The following NPIPB15 variants were observed in gnomAD, a reference collection of about 807,000 sequenced individuals.
NPIPB15 encodes nuclear pore complex-interacting protein family member B15.
In NPIPB15, 5 loss-of-function variants were observed where a neutral mutation model predicts 35.9. The observed-to-expected ratio is 0.14, with a 90% CI of 0.07 to 0.29. The LOEUF is 0.29. NPIPB15 is among the 10% of genes least tolerant of loss of function. NPIPB15 has a pLI of 1.00. For missense variants in NPIPB15, 100 were observed against 506.1 expected, an observed-to-expected ratio of 0.20 and a Z score of 7.70; for synonymous variants, 43 against 182.0, an observed-to-expected ratio of 0.24 and a Z score of 6.15.
rs1294440046 is a variant in NPIPB15 at position 74,388,875 on chromosome 16, C to T, written c.546-950C>T. Reference sequence around the variant, plus strand: ...CGCCCATTGGAGTGTTGTTTATAACCTCTGTACAATGTTTAGACCCAGTAA... The same window carrying T: ...CGCCCATTGGAGTGTTGTTTATAACTTCTGTACAATGTTTAGACCCAGTAA... On this transcript the variant is annotated intron_variant, in intron 5 of 7. Transcript: ENST00000692376. The T allele has an allele frequency of 1.7e-5, 16 of 957,728 alleles. 2 individuals are homozygous for T. The South Asian group carries it at 5.3e-4, about 32-fold the overall frequency. The allele number at this position is 957,728 out of a possible 1,614,324, so 59.3% of individuals were successfully genotyped here.
chr16:74,388,895 C>G (rs2012410186), intron 5 of NPIPB15: 1 of 947,654 alleles, frequency 1.1e-6, no homozygotes, highest in African/African-American at 1.8e-5. Context: ...TGTTTAGACC[C>G]AGTAAATGCA....
intron 5 of NPIPB15, among the ~76,000 whole-genome samples, chr16:74,386,184 C>T (rs1196084901): frequency 8.0e-6 from 1 of 124,652 alleles, no homozygotes; most frequent in African/African-American, 3.0e-5. Context: ...GGGGTTTCAC[C>T]ATGTTGTCCA....
rs2011666256 is a variant in NPIPB15 at position 74,376,374 on chromosome 16, A to G, written c.-995A>G. On this transcript the variant is annotated 5_prime_UTR_variant, in exon 1 of 8. Coordinates refer to ENST00000692376, the MANE Select transcript of NPIPB15 (RefSeq NM_001306094.2). The stretch of plus-strand genomic sequence containing the variant: ...AGGCCTGTGGGAAGTTCAGCTGAGG[A>G]CAGGGCCAGGAAAGGTGATGGACAG... 2.0e-5 allele frequency among the ~76,000 whole-genome samples: 3 copies of G among 151,528 alleles called. No individual in the cohort carries two copies. Among genetic ancestry groups the G allele is most frequent in the Non-Finnish European group, 4.4e-5 (3 of 67,960 alleles).
chr16:74,390,856 G>A (rs369933895), intron 7 of NPIPB15: 4 of 669,856 alleles, frequency 6.0e-6, no homozygotes, highest in African/African-American at 4.3e-5. Flanking sequence ...TAGATTTGGA[G>A]CAGGGTGGTC....
intron 2 of NPIPB15, among the ~76,000 whole-genome samples, chr16:74,380,411 CAAAA>C (rs1249518690): frequency 6.7e-6 from 1 of 148,452 alleles, no homozygotes; most frequent in African/African-American, 2.5e-5. Flanking sequence ...TGTCTCCAAA[CAAAA>C]AGAAAAGATA....
chr16:74,381,131 G>A (rs1432552309), intron 2 of NPIPB15, among the ~76,000 whole-genome samples: 2 of 133,626 alleles, frequency 1.5e-5, no homozygotes, highest in African/African-American at 5.8e-5. Context: ...CGACTGAGTG[G>A]AGCGGAACTC....
At chr16:74,387,482 T>TC (rs1254292094) in intron 5 of NPIPB15, among the ~76,000 whole-genome samples, 1 of 149,014 alleles carries the variant, frequency 6.7e-6, no homozygotes, top group Non-Finnish European at 1.5e-5. Context: ...CTGTTTGGTG[T>TC]CCCCCATTGT....
chr16:74,380,801 G>T (rs1466323940), intron 2 of NPIPB15, among the ~76,000 whole-genome samples: 1 of 150,160 alleles, frequency 6.7e-6, no homozygotes, highest in East Asian at 2.0e-4. Flanking sequence ...TCCAGCCTGG[G>T]TGACAGAGTG....
chr16:74,381,150 A>G (rs998417645), intron 2 of NPIPB15, among the ~76,000 whole-genome samples: 1 of 144,144 alleles, frequency 6.9e-6, no homozygotes, highest in Non-Finnish European at 1.5e-5. Context: ...TCTGTCTCCA[A>G]AAAAAAAAAA....
At chr16:74,377,767 TCCCTTCCCTTACTTCCC>T in intron 1 of NPIPB15, 168 bp from the exon 2 acceptor site, 1 of 156,614 alleles carries the variant, frequency 6.4e-6, no homozygotes, top group Non-Finnish European at 1.2e-5. Flanking sequence ...TCTCCTCCTT[TCCCTTCCCTTACTTCCC>T]CCCTTCCCCT....
intron 1 of NPIPB15, among the ~76,000 whole-genome samples, chr16:74,377,605 A>G (rs201444001): frequency 2.6e-5 from 4 of 151,146 alleles, no homozygotes; most frequent in Admixed American, 6.6e-5. Context: ...CCCTTGCCCC[A>G]CGTGTCCTGT....
intron 5 of NPIPB15, among the ~76,000 whole-genome samples, chr16:74,385,974 C>T (rs377642422): frequency 1.0e-4 from 13 of 125,966 alleles, no homozygotes; most frequent in African/African-American, 3.1e-4. Flanking sequence ...CTAGTACTGG[C>T]ATTGGTTTTC....
Position 74,391,642 on chromosome 16 carries a change from G to T in NPIPB15, c.894G>T (p.Leu298=). Residue 298 remains leucine, a synonymous_variant, in exon 8 of 8, where the codon CTG becomes CTT. Transcript: ENST00000692376. ...TTCCACCCTCAGTGGATGATAATCT[G>T]AAGGAGTATCTCCTGGTCCCTCTTC... The part of the protein sequence containing the change: ...APLPPSVDDN[L]KEYLLVPLPP... 6.3e-7 allele frequency: 1 copy of T among 1,598,374 alleles called. No homozygotes were observed. The highest frequency in any genetic ancestry group is 8.5e-7 in the Non-Finnish European group (1 of 1,172,614).
At chr16:74,388,476 T>C (rs1243218713) in intron 5 of NPIPB15, 1 of 907,292 alleles carries the variant, frequency 1.1e-6, no homozygotes, top group Non-Finnish European at 1.3e-6. Context: ...ACTATGGAAC[T>C]ATGAAGATGA....
At chr16:74,378,637 C>A (rs1489849634) in intron 2 of NPIPB15, among the ~76,000 whole-genome samples, 1 of 149,784 alleles carries the variant, frequency 6.7e-6, no homozygotes, top group Non-Finnish European at 1.5e-5. Context: ...TAGTCTCCAT[C>A]TCTTGACCTC....
chr16:74,389,652 A>G (rs2012446832), intron 5 of NPIPB15, among the ~76,000 whole-genome samples, 173 bp from the exon 6 acceptor site: 2 of 101,454 alleles, frequency 2.0e-5, no homozygotes, highest in South Asian at 8.2e-4. Context: ...GACTACAGGC[A>G]TCAGCCACCG....
chr16:74,381,395 G>A, intron 2 of NPIPB15, 121 bp from the exon 3 acceptor site: 1 of 1,088,614 alleles, frequency 9.2e-7, no homozygotes, highest in East Asian at 2.6e-5. Context: ...ATCCCACGGT[G>A]ATATCTGAGG....
chr16:74,391,983 A>G lies in NPIPB15; in HGVS notation c.1235A>G (p.His412Arg), dbSNP rs1173228299. The G allele has an allele frequency of 6.4e-7, 1 of 1,550,548 alleles. No homozygotes were observed. The highest frequency in any genetic ancestry group is 2.4e-5 in the East Asian group (1 of 40,924). The change falls in exon 8 of 8, where the codon CAT becomes CGT. Residue 412 changes from histidine to arginine, a missense_variant. By Grantham distance (29) the His-to-Arg change is conservative (BLOSUM62 0). Transcript: ENST00000692376. ...RRRLSKLRTR[H>R]CTQAWAIRIN... ...AGGTTGAGTAAGCTGAGAACACGCC[A>G]TTGCACTCAAGCCTGGGCAATAAGA...
chr16:74,382,923 T>G (rs1286323448), intron 3 of NPIPB15, among the ~76,000 whole-genome samples: 115 of 148,902 alleles, frequency 7.7e-4, no homozygotes, highest in African/African-American at 2.7e-3. Flanking sequence ...TTTTTTTTTT[T>G]TTTTCTTTTC....
Sources: allele counts gnomAD v4.1 joint callset (sites outside exome capture counted in the v4.1 genomes callset), GRCh38; gene constraint gnomAD v4.1.1; transcripts MANE v1.5; gene names NCBI Gene and HGNC (gene_info 2026-07-23, HGNC 2026-07-21).